Variants in TDP1 observed in about 807,000 individuals in gnomAD.
The protein encoded by TDP1 is tyr-DNA phosphodiesterase 1.
In TDP1, 64 loss-of-function variants were observed where a neutral mutation model predicts 81.5. That is an observed-to-expected ratio of 0.79 (90% CI 0.64 to 0.97). The LOEUF (loss-of-function observed/expected upper bound fraction) is 0.97, where lower values mean the gene tolerates loss of function less well. Among genes scored for constraint, TDP1 ranks in the 50% least tolerant of loss-of-function variants. The pLI, the probability that TDP1 is intolerant of heterozygous loss-of-function variation, is 0.00. For missense variants in TDP1, 723 were observed against 743.8 expected, an observed-to-expected ratio of 0.97 and a Z score of 0.33; for synonymous variants, 256 against 264.3, an observed-to-expected ratio of 0.97 and a Z score of 0.30.
chr14:89,955,832 C>T (rs1311998042), upstream of TDP1: 3 of 152,468 alleles, frequency 2.0e-5, no homozygotes, highest in African/African-American at 4.8e-5. Flanking sequence ...GCTTTAGGAC[C>T]CAGCGGTGGG....
chr14:89,997,193 G>A (rs1449145373), intron 14 of TDP1, among the ~76,000 whole-genome samples: 1 of 152,178 alleles, frequency 6.6e-6, no homozygotes, highest in South Asian at 2.1e-4. Flanking sequence ...GTGGTTGCTT[G>A]TGTAATTATC....
At position 90,042,966 on chromosome 14, in the gene TDP1, C is replaced by T. The variant is rs35639830; in HGVS notation, c.1754-104C>T. On this transcript the variant is annotated intron_variant, in intron 16 of 16. Coordinates refer to ENST00000335725, the MANE Select transcript of TDP1 (RefSeq NM_018319.4). The stretch of plus-strand genomic sequence containing the variant: ...GGGCTTGGTTCAGAAAATACTCTAC[C>T]ACAGTTTAGAGAGTCAAGCACATAA... 293 of 1,588,770 alleles carry T rather than the reference C, an allele frequency of 1.8e-4. 1 individual carries two copies. In the East Asian group the frequency reaches 6.5e-3, roughly 35 times the overall value.
intron 5 of TDP1, among the ~76,000 whole-genome samples, chr14:89,969,360 G>A (rs1893316220): frequency 6.6e-6 from 1 of 152,132 alleles, no homozygotes; most frequent in East Asian, 1.9e-4. Flanking sequence ...GACCTAAATG[G>A]TAAGTTTAAG....
intron 11 of TDP1, 116 bp downstream of exon 11, chr14:89,989,206 TTTGGCG>T: frequency 7.2e-7 from 1 of 1,386,220 alleles, no homozygotes; most frequent in African/African-American, 1.5e-5. Flanking sequence ...TTTTTTTTTT[TTTGGCG>T]TGGCGGGGGC....
chr14:89,967,868 G>A (rs1596510967), intron 5 of TDP1, among the ~76,000 whole-genome samples: 3 of 152,302 alleles, frequency 2.0e-5, no homozygotes, highest in South Asian at 2.1e-4. Flanking sequence ...CCCTTATCTA[G>A]GCTCTGGAGG....
At chr14:89,980,467 C>T in intron 7 of TDP1, 73 bp from the exon 8 acceptor site, 2 of 1,486,596 alleles carry the variant, frequency 1.3e-6, no homozygotes, top group Non-Finnish European at 1.9e-6. Flanking sequence ...CTATGTATTA[C>T]ATTTGCATTG....
chr14:89,988,563 T>G, intron 10 of TDP1: 1 of 977,244 alleles, frequency 1.0e-6, no homozygotes, highest in Non-Finnish European at 1.2e-6. Flanking sequence ...ACACTTGTGA[T>G]TTCAAGTAAA....
chr14:89,975,920 A>T, intron 7 of TDP1, 105 bp downstream of exon 7: 1 of 883,306 alleles, frequency 1.1e-6, no homozygotes, highest in Non-Finnish European at 2.0e-6. Context: ...CCTAGGATCT[A>T]GCACAGCGAT....
chr14:90,020,858 T>G (rs1172776437), intron 15 of TDP1, among the ~76,000 whole-genome samples: 30 of 145,978 alleles, frequency 2.1e-4, no homozygotes, highest in African/African-American at 4.7e-4. Flanking sequence ...TGCAGTGGCA[T>G]GATCTCGGCT....
At chr14:89,957,013 C>T (rs971018850) in intron 2 of TDP1, 5 of 152,276 alleles carry the variant, frequency 3.3e-5, no homozygotes, top group African/African-American at 1.2e-4. Context: ...CGCTTCGGAC[C>T]ACTGCCTGCC....
Position 89,988,916 on chromosome 14 carries a change from C to T in TDP1, c.1143C>T (p.Asp381=), listed in dbSNP as rs752676301. 1 of 1,614,136 alleles carries T rather than the reference C, an allele frequency of 6.2e-7. No individual in the cohort carries two copies. ...GHFRLKKLLK[D]HASSMPNAES... ...TTATTCTTTCCCAGCTTCTGAAAGA[C>T]CATGCCTCATCCATGCCTAACGCAG... Residue 381 remains aspartate, a synonymous_variant, in exon 11 of 17, where the codon GAC becomes GAT. Coordinates refer to ENST00000335725, the MANE Select transcript of TDP1 (RefSeq NM_018319.4).
chr14:90,035,642 G>T (rs535096901), intron 16 of TDP1, among the ~76,000 whole-genome samples: 1 of 152,000 alleles, frequency 6.6e-6, no homozygotes, highest in African/African-American at 2.4e-5. Context: ...GATTAACTGA[G>T]ATTATCTATA....
Position 89,971,274 on chromosome 14 carries a change from A to G in TDP1, c.756+3A>G, listed in dbSNP as rs1204594204. ...ACGAGAACATCTCTCTCTGCCAGGT[A>G]AGCCACTTACTGCCGTTGGAGAGCA... On this transcript the variant is annotated splice_donor_region_variant and intron_variant, in intron 6 of 16. Transcript: ENST00000335725. The G allele has an allele frequency of 1.2e-6, 2 of 1,613,112 alleles. No individual in the cohort carries two copies. The highest frequency in any genetic ancestry group is 1.3e-5 in the African/African-American group (1 of 75,036).
chr14:90,023,102 A>G (rs757686690), intron 15 of TDP1: 1 of 759,828 alleles, frequency 1.3e-6, no homozygotes, highest in South Asian at 1.4e-5. Context: ...AGCTGAGGAA[A>G]CAGACACTGG....
At chr14:89,971,323 A>T (rs779482915) in intron 6 of TDP1, 52 bp downstream of exon 6, 1 of 1,381,008 alleles carries the variant, frequency 7.2e-7, no homozygotes, top group Admixed American at 1.7e-5. Flanking sequence ...TTAGAAGGAA[A>T]CTTAGACATT....
At chr14:90,040,343 T>A (rs1888242318) in intron 16 of TDP1, among the ~76,000 whole-genome samples, 1 of 152,220 alleles carries the variant, frequency 6.6e-6, no homozygotes, top group South Asian at 2.1e-4. Context: ...CAAGATCATC[T>A]TTAGAATTTG....
At chr14:90,020,447 C>T (rs1401068419) in intron 15 of TDP1, among the ~76,000 whole-genome samples, 1 of 132,822 alleles carries the variant, frequency 7.5e-6, no homozygotes, top group Non-Finnish European at 1.6e-5. Flanking sequence ...ATGCTTTGCC[C>T]ACATGATCAG....
intron 7 of TDP1, chr14:89,980,229 C>A: frequency 1.0e-6 from 1 of 985,326 alleles, no homozygotes. Context: ...TCCAACGGTC[C>A]CTAGTAGTAA....
At chr14:90,008,146 C>T (rs753353709) in intron 14 of TDP1, among the ~76,000 whole-genome samples, 11 of 152,124 alleles carry the variant, frequency 7.2e-5, no homozygotes, top group Admixed American at 1.3e-4. Context: ...TTCAACAGTT[C>T]GGTAAAATTA....
Sources: gnomAD v4.1 joint callset for allele counts (sites outside exome capture counted in the v4.1 genomes callset) on GRCh38, gnomAD v4.1.1 for gene constraint, MANE v1.5 for transcripts, NCBI Gene and HGNC (gene_info 2026-07-23, HGNC 2026-07-21) for gene names.